The following VAV2 variants were observed in gnomAD, a reference collection of about 807,000 sequenced individuals.
VAV2 encodes vav guanine nucleotide exchange factor 2.
VAV2 carries 67 observed loss-of-function variants against 132.5 expected under a neutral mutation model. The observed-to-expected ratio is 0.51, with a 90% CI of 0.42 to 0.62. The LOEUF is 0.62. Ranked by LOEUF, VAV2 falls within the 20% of genes least tolerant of loss-of-function variation. The probability of loss-of-function intolerance (pLI) is 0.00; values close to 1 mark genes in which losing one functional copy is unlikely to be tolerated. For synonymous variants in VAV2, 492 were observed against 443.5 expected, an observed-to-expected ratio of 1.11 and a Z score of -1.37; for missense variants, 938 against 1,153.6, an observed-to-expected ratio of 0.81 and a Z score of 2.71.
In VAV2 at chr9:133,839,095, CATGG is replaced by C. The variant is rs963030600; in HGVS notation, c.381-4759_381-4756del. On this transcript the variant is annotated intron_variant, in intron 3 of 29. Coordinates refer to ENST00000371850, the MANE Select transcript of VAV2 (RefSeq NM_001134398.2). ...GGTTGGATGAATGGCTAGGTGGGTGCATGGATGGATGGATGGATGGGTAGCTAGA... is the reference window on the plus strand; with the variant it reads ...GGTTGGATGAATGGCTAGGTGGGTGCATGGATGGATGGATGGGTAGCTAGA... 8.3e-4 allele frequency among the ~76,000 whole-genome samples: 115 copies of C among 138,572 alleles called. 1 individual carries two copies. The highest frequency in any genetic ancestry group is 8.9e-3 in the Middle Eastern group (2 of 224). 90.9% of individuals were successfully genotyped at this position (138,572 alleles called of 152,430 possible).
In VAV2 at chr9:133,768,686, C is replaced by T. The variant is rs1833518012; in HGVS notation, c.2435-90G>A. ...CCTTGGGCCAAGCTGGGTCTCTCCC[C>T]TGGTGCCCAGAACCCTGCTCTGTAC... On this transcript the variant is annotated intron_variant, in intron 28 of 29. Transcript: ENST00000371850. The surrounding 1 kb of genome is among the most constrained non-coding windows in gnomAD (Gnocchi z 5.3). 1.3e-6 allele frequency: 2 copies of T among 1,489,548 alleles called. No homozygotes were observed. Among genetic ancestry groups the T allele is most frequent in the Admixed American group, 4.1e-5 (2 of 49,258 alleles). 92.3% of individuals were successfully genotyped at this position (1,489,548 alleles called of 1,614,324 possible). A position where few individuals can be genotyped will look rare whatever the true frequency, so the allele number is the denominator to read the frequency against.
intron 15 of VAV2, among the ~76,000 whole-genome samples, chr9:133,787,747 C>T (rs949635711): frequency 3.3e-5 from 5 of 152,050 alleles, no homozygotes; most frequent in African/African-American, 1.2e-4. Flanking sequence ...GCAGCTTCGG[C>T]CCCGTCCCTG....
chr9:133,933,807 G>T (rs1346471929), intron 2 of VAV2, among the ~76,000 whole-genome samples: 2 of 149,060 alleles, frequency 1.3e-5, no homozygotes, highest in Non-Finnish European at 3.0e-5. Context: ...ATGGATGAAT[G>T]ATGGATGAAT....
At chr9:133,775,099 T>C (rs1235449655) in intron 24 of VAV2, 48 bp from the exon 25 acceptor site, 30 of 1,520,256 alleles carry the variant, frequency 2.0e-5, no homozygotes, top group Non-Finnish European at 2.5e-5. Context: ...GAGGACAGTG[T>C]CTGAGGGGTG....
chr9:133,985,308 G>T (rs1842826210), intron 1 of VAV2, among the ~76,000 whole-genome samples: 1 of 151,470 alleles, frequency 6.6e-6, no homozygotes, highest in African/African-American at 2.4e-5. Flanking sequence ...CTGAGATGGA[G>T]TCTCACTCTG....
At chr9:133,949,195 C>A (rs1278740184) in intron 1 of VAV2, among the ~76,000 whole-genome samples, 1 of 152,196 alleles carries the variant, frequency 6.6e-6, no homozygotes, top group South Asian at 2.1e-4. Flanking sequence ...TAGAGGAAGC[C>A]CTCCAAGTCA....
chr9:133,958,595 C>A (rs1460844093), intron 1 of VAV2, among the ~76,000 whole-genome samples: 6 of 150,286 alleles, frequency 4.0e-5, no homozygotes, highest in Admixed American at 3.3e-4. Flanking sequence ...CAGAGGCTGG[C>A]GGGATCCTCC....
In VAV2 at chr9:133,806,143, G is replaced by T; in HGVS notation, c.774C>A (p.Ile258=). 1 of 1,612,926 alleles carries T rather than the reference G, an allele frequency of 6.2e-7. No individual in the cohort carries two copies. Among genetic ancestry groups the T allele is most frequent in the Non-Finnish European group, 8.5e-7 (1 of 1,179,928 alleles). ...IKVHHSFLRA[I]DVSVMVGGST... ...TGCCCCCCACCATCACGGACACGTC[G>T]ATGGCCCTCAGGAAGCTGTGATGCA... Residue 258 remains isoleucine (I), a synonymous_variant, in exon 9 of 30, where the codon ATC becomes ATA. Transcript: ENST00000371850.
chr9:133,907,728 G>C (rs1330810308), intron 2 of VAV2, among the ~76,000 whole-genome samples: 1 of 152,254 alleles, frequency 6.6e-6, no homozygotes, highest in Non-Finnish European at 1.5e-5. Flanking sequence ...CCTTTGTAAA[G>C]AAATGCCAAG....
chr9:133,981,397 G>A (rs1842689068), intron 1 of VAV2, among the ~76,000 whole-genome samples: 2 of 152,240 alleles, frequency 1.3e-5, no homozygotes, highest in Admixed American at 1.3e-4. Flanking sequence ...GGGAAGAGAG[G>A]TGGGTAGTGA....
At chr9:133,771,438 A>T (rs1474062458) in intron 26 of VAV2, among the ~76,000 whole-genome samples, 1 of 152,212 alleles carries the variant, frequency 6.6e-6, no homozygotes, top group Non-Finnish European at 1.5e-5. Context: ...TGGGGGCTCT[A>T]ATCAGGAGTT....
intron 1 of VAV2, among the ~76,000 whole-genome samples, chr9:133,954,802 TG>T (rs1841695079): frequency 6.6e-6 from 1 of 152,162 alleles, no homozygotes; most frequent in East Asian, 1.9e-4. Flanking sequence ...TCATGATGTA[TG>T]TACCAGTGTA....
rs144526820 is a variant in VAV2 at position 133,867,297 on chromosome 9, G to A, written c.322-5865C>T. On this transcript the variant is annotated intron_variant, in intron 2 of 29. Transcript: ENST00000371850. ...GGAAGCCCATCTCGCCAGGTGGTGC[G>A]TGCGCAACTCTAGCTTTCTCTTTCT... Among the ~76,000 whole-genome samples, 95 of 152,348 alleles carry A rather than the reference G, an allele frequency of 6.2e-4. No individual in the cohort carries two copies. In the Middle Eastern group the frequency reaches 0.014, roughly 22 times the overall value.
At chr9:133,844,099 G>A (rs530028432) in intron 3 of VAV2, among the ~76,000 whole-genome samples, 14 of 152,320 alleles carry the variant, frequency 9.2e-5, no homozygotes, top group South Asian at 2.1e-4. Context: ...AGGAAGACAC[G>A]GATCTCACAG....
rs578082730 is a variant in VAV2, at chr9:133,776,148, T to A, written c.1966-68A>T. 3.2e-6 allele frequency: 5 copies of A among 1,578,702 alleles called. No individual in the cohort carries two copies. In the East Asian group the frequency reaches 1.1e-4, roughly 36 times the overall value. On this transcript the variant is annotated intron_variant, in intron 23 of 29. Transcript: ENST00000371850. ...CTCACAGAGCAGGGCTCAGAGGGGG[T>A]CATTGTCAGTGACTGCCCTGTCCCC...
intron 1 of VAV2, among the ~76,000 whole-genome samples, chr9:133,985,122 T>TAAAC (rs1842815428): frequency 1.3e-5 from 2 of 151,678 alleles, no homozygotes; most frequent in Admixed American, 6.6e-5. Flanking sequence ...CATAAATAAA[T>TAAAC]ACATACACAC....
rs1048850494 is a variant in VAV2, at chr9:133,850,435, G to A, written c.380+10939C>T. 2.1e-4 allele frequency among the ~76,000 whole-genome samples: 32 copies of A among 152,134 alleles called. 1 individual carries two copies. The highest frequency in any genetic ancestry group is 1.9e-3 in the Admixed American group (29 of 15,278). On this transcript the variant is annotated intron_variant, in intron 3 of 29. Transcript: ENST00000371850. Reference sequence around the variant, plus strand: ...CTGCTATGTCCCAGCACCTGGCCCCGGGCCCAGCAGAACAAGGCACCAATA... The same window carrying A: ...CTGCTATGTCCCAGCACCTGGCCCCAGGCCCAGCAGAACAAGGCACCAATA...
At chr9:133,811,984 C>T in intron 5 of VAV2, 130 bp downstream of exon 5, 1 of 890,672 alleles carries the variant, frequency 1.1e-6, no homozygotes, top group Non-Finnish European at 1.8e-6. Flanking sequence ...TCTGGACGTC[C>T]CCCTGCACCC....
chr9:133,925,998 A>AC lies in VAV2; in HGVS notation c.321+13104dup, dbSNP rs756065474. ...AAAACTTAATTAACTGTGGACATGG[A>AC]CCAAAAAAAAAAAAAAAAAAAAAAA... On this transcript the variant is annotated intron_variant, in intron 2 of 29. Coordinates refer to ENST00000371850, the MANE Select transcript of VAV2 (RefSeq NM_001134398.2). The AC allele has an allele frequency of 1.6e-4, 14 of 85,916 alleles. 4 individuals carry two copies. The highest frequency in any genetic ancestry group is 1.3e-4 in the Admixed American group (1 of 7,662). 5.3% of individuals were successfully genotyped at this position (85,916 alleles called of 1,614,324 possible).
Sources: gnomAD v4.1 joint callset for allele counts (sites outside exome capture counted in the v4.1 genomes callset) on GRCh38, gnomAD v4.1.1 for gene constraint, Gnocchi (gnomAD v3.1) non-coding constraint, MANE v1.5 for transcripts, NCBI Gene and HGNC (gene_info 2026-07-23, HGNC 2026-07-21) for gene names.